Variants in TUSC3 observed in about 807,000 individuals in gnomAD.
The protein encoded by TUSC3 is tumor suppressor candidate 3.
A neutral mutation model predicts 44.8 loss-of-function variants in TUSC3; 45 were observed. The ratio of observed to expected loss-of-function variants is 1.00; its 90% CI spans 0.79 to 1.29. The LOEUF is 1.29. Among genes scored for constraint, TUSC3 ranks in the 50% most tolerant of loss-of-function variants. The pLI is 0.00. For missense variants in TUSC3, 519 were observed against 437.9 expected (o/e 1.19, Z -1.65); for synonymous variants, 212 against 152.9 (o/e 1.39, Z -2.85).
chr8:15,786,556 A>G, the TUSC3 span, among the ~76,000 whole-genome samples: 1 of 152,154 alleles, frequency 6.6e-6, no homozygotes, highest in Non-Finnish European at 1.5e-5. Flanking sequence ...AGAATAGAGA[A>G]AAAGATTGCC....
chr8:15,815,540 A>G, the TUSC3 span, among the ~76,000 whole-genome samples: 2 of 152,180 alleles, frequency 1.3e-5, no homozygotes, highest in African/African-American at 4.8e-5. Context: ...TATGTAGGAG[A>G]AATTCATGCA....
chr8:15,454,275 G>T (rs1412462531), intron 1 of TUSC3, among the ~76,000 whole-genome samples: 1 of 152,134 alleles, frequency 6.6e-6, no homozygotes, highest in Non-Finnish European at 1.5e-5. Context: ...TTTTATTCCT[G>T]ATCTAAAGCT....
At chr8:15,457,910 TTGAA>T (rs1029066593) in intron 1 of TUSC3, among the ~76,000 whole-genome samples, 19 of 150,058 alleles carry the variant, frequency 1.3e-4, no homozygotes, top group African/African-American at 4.6e-4. Context: ...TAATTACTAA[TTGAA>T]TAATAATTAG....
At chr8:15,801,333 A>G in the TUSC3 span, among the ~76,000 whole-genome samples, 1 of 152,040 alleles carries the variant, frequency 6.6e-6, no homozygotes, top group Non-Finnish European at 1.5e-5. Context: ...AGTGGTATGG[A>G]GTTGAGGGGC....
intron 2 of TUSC3, among the ~76,000 whole-genome samples, chr8:15,509,396 G>A (rs1180294091): frequency 6.6e-6 from 1 of 152,132 alleles, no homozygotes; most frequent in African/African-American, 2.4e-5. Context: ...ATTGCTTGAG[G>A]TCAAGTGTTC....
At chr8:15,419,344 T>A (rs1032296127) in intron 1 of TUSC3, among the ~76,000 whole-genome samples, 1 of 152,254 alleles carries the variant, frequency 6.6e-6, no homozygotes, top group South Asian at 2.1e-4. Flanking sequence ...TGCATAACTT[T>A]CCGTGCAATC....
intron 2 of TUSC3, among the ~76,000 whole-genome samples, chr8:15,483,673 T>TTTTTTTTTA (rs57108938): frequency 8.9e-5 from 11 of 124,216 alleles, no homozygotes; most frequent in East Asian, 4.1e-4. Context: ...TTTTTTTTTT[T>TTTTTTTTTA]GAGACTAAGT....
chr8:15,597,747 A>G (rs1258725710), intron 1 of TUSC3, among the ~76,000 whole-genome samples: 1 of 152,100 alleles, frequency 6.6e-6, no homozygotes, highest in Non-Finnish European at 1.5e-5. Flanking sequence ...ATTAAGACAT[A>G]TACTTGAAAG....
At chr8:15,836,371 G>A in the TUSC3 span, among the ~76,000 whole-genome samples, 4 of 150,880 alleles carry the variant, frequency 2.7e-5, no homozygotes, top group Non-Finnish European at 2.9e-5. Flanking sequence ...CCAGCTACTC[G>A]GATGCTGAGG....
chr8:15,588,567 C>T (rs1281818137), intron 1 of TUSC3, among the ~76,000 whole-genome samples: 2 of 151,934 alleles, frequency 1.3e-5, no homozygotes, highest in African/African-American at 2.4e-5. Flanking sequence ...TTATGTAGTC[C>T]AATTTGTCTA....
At chr8:15,648,431 AAG>A (rs1806724584) in intron 2 of TUSC3, among the ~76,000 whole-genome samples, 1 of 152,110 alleles carries the variant, frequency 6.6e-6, no homozygotes, top group African/African-American at 2.4e-5. Flanking sequence ...ACAAGCCTTA[AAG>A]AATAAGACGT....
intron 7 of TUSC3, chr8:15,733,605 G>T (rs575993746): frequency 1.4e-4 from 25 of 179,730 alleles, no homozygotes; most frequent in Non-Finnish European, 2.4e-4. Flanking sequence ...ATAGATCTTA[G>T]CAGTGATACA....
In TUSC3 at chr8:15,764,520, G is replaced by A. The variant is rs111425809; in HGVS notation, c.*364G>A. ...TTAGAGCTGTTTACTCATTAGTAAA[G>A]GACCGCAATGTTAGTAAAGAAAACC... On this transcript the variant is annotated 3_prime_UTR_variant, in exon 11 of 11. Transcript: ENST00000503731. 3.3e-6 allele frequency: 1 copy of A among 306,998 alleles called. No individual in the cohort carries two copies. Among genetic ancestry groups the A allele is most frequent in the Non-Finnish European group, 6.2e-6 (1 of 160,528 alleles). The allele number at this position is 306,998 out of a possible 1,614,324, so 19.0% of individuals were successfully genotyped here.
intron 6 of TUSC3, among the ~76,000 whole-genome samples, chr8:15,681,961 ATTT>A (rs1336108426): frequency 6.6e-6 from 1 of 151,982 alleles, no homozygotes; most frequent in Non-Finnish European, 1.5e-5. Flanking sequence ...TTACTATGTA[ATTT>A]TGTGTTTTTG....
chr8:15,491,397 G>A (rs921050037), intron 2 of TUSC3, among the ~76,000 whole-genome samples: 1 of 152,028 alleles, frequency 6.6e-6, no homozygotes, highest in African/African-American at 2.4e-5. Flanking sequence ...CCAGTCCCCA[G>A]CTTGACTTTT....
the TUSC3 span, among the ~76,000 whole-genome samples, chr8:15,844,878 A>G: frequency 6.6e-6 from 1 of 152,276 alleles, no homozygotes; most frequent in East Asian, 1.9e-4. Context: ...TGAATATGTG[A>G]TACTCTGAGG....
intron 6 of TUSC3, among the ~76,000 whole-genome samples, chr8:15,723,068 T>C (rs1810363362): frequency 6.6e-6 from 1 of 152,132 alleles, no homozygotes. Flanking sequence ...TAAACAAATA[T>C]CTCTGGTCAG....
At chr8:15,700,800 ATGTT>A (rs1420295413) in intron 6 of TUSC3, among the ~76,000 whole-genome samples, 2 of 144,184 alleles carry the variant, frequency 1.4e-5, no homozygotes, top group Non-Finnish European at 3.0e-5. Context: ...CTGAAAAAGA[ATGTT>A]TGTTGTCCCT....
chr8:15,495,786 T>C (rs1800872844), intron 2 of TUSC3, among the ~76,000 whole-genome samples: 1 of 152,102 alleles, frequency 6.6e-6, no homozygotes, highest in Admixed American at 6.6e-5. Context: ...GAGAAAGAGA[T>C]CATAGGCTTA....
Sources: allele counts gnomAD v4.1 joint callset (sites outside exome capture counted in the v4.1 genomes callset), GRCh38; gene constraint gnomAD v4.1.1; transcripts MANE v1.5; gene names NCBI Gene and HGNC (gene_info 2026-07-23, HGNC 2026-07-21).